The following JAKMIP3 variants were observed in gnomAD, a reference collection of about 807,000 sequenced individuals.
JAKMIP3 encodes the protein janus kinase and microtubule-interacting protein 3.
In JAKMIP3, 58 loss-of-function variants were observed where a neutral mutation model predicts 118.5. The observed-to-expected ratio is 0.49, with a 90% CI of 0.40 to 0.61. The LOEUF (loss-of-function observed/expected upper bound fraction) is 0.61. JAKMIP3 is among the 20% of genes least tolerant of loss of function. The probability of loss-of-function intolerance (pLI) is 0.00; values close to 1 mark genes in which losing one functional copy is unlikely to be tolerated. For missense variants in JAKMIP3, 950 were observed against 1,109.0 expected (o/e 0.86, Z 2.04); for synonymous variants, 486 against 451.2 (o/e 1.08, Z -0.98).
intron 2 of JAKMIP3, among the ~76,000 whole-genome samples, chr10:132,106,947 G>A (rs1014742299): frequency 1.3e-5 from 2 of 151,924 alleles, no homozygotes; most frequent in East Asian, 1.9e-4. Context: ...GCAGTGGTGT[G>A]ATCTCAGCTC....
Position 132,168,171 on chromosome 10 carries a change from C to A in JAKMIP3, c.*241C>A, listed in dbSNP as rs534055507. 6 of 1,286,460 alleles carry A rather than the reference C, an allele frequency of 4.7e-6. No homozygotes were observed. The highest frequency in any genetic ancestry group is 6.1e-6 in the Non-Finnish European group (6 of 987,184). The allele number at this position is 1,286,460 out of a possible 1,614,324, so 79.7% of individuals were successfully genotyped here. A position where few individuals can be genotyped will look rare whatever the true frequency, so the allele number is the denominator to read the frequency against. ...CTCTGCCGACTTCTCGGGGGCTTCT[C>A]CGGGACGGGCCTGGCCTTGGCTGCT... On this transcript the variant is annotated 3_prime_UTR_variant, in exon 23 of 24. Transcript: ENST00000684848.
intron 1 of JAKMIP3, among the ~76,000 whole-genome samples, chr10:132,068,079 T>C (rs113942963): frequency 2.9e-4 from 7 of 23,732 alleles, no homozygotes; most frequent in Admixed American, 7.9e-4. Context: ...GGACTGTGGG[T>C]TTCTGTGTGG....
chr10:132,037,323 T>C (rs542676134), intron 1 of JAKMIP3, among the ~76,000 whole-genome samples: 66 of 152,204 alleles, frequency 4.3e-4, no homozygotes, highest in Non-Finnish European at 8.8e-4. Context: ...CCTGCCCCCG[T>C]CTGAGGTCTG....
rs115623919 is a variant in JAKMIP3 at position 132,109,415 on chromosome 10, C to A, written c.135+4472C>A. 2.3e-3 allele frequency among the ~76,000 whole-genome samples: 349 copies of A among 152,302 alleles called. 3 individuals carry two copies. The highest frequency in any genetic ancestry group is 8.2e-3 in the African/African-American group (339 of 41,554). ...GCACCCCCCACAATTAACGAATGAC[C>A]TCATTTGGGTTCAAATATAAGCAAA... is the stretch of plus-strand genomic sequence containing the variant. On this transcript the variant is annotated intron_variant, in intron 2 of 23. Coordinates refer to ENST00000684848, the MANE Select transcript of JAKMIP3 (RefSeq NM_001323087.2).
chr10:132,036,653 C>T (rs1316763584), upstream of JAKMIP3, among the ~76,000 whole-genome samples: 1 of 150,396 alleles, frequency 6.6e-6, no homozygotes, highest in Non-Finnish European at 1.5e-5. Context: ...CCCGCGGTGA[C>T]GGTGACGCGC....
chr10:132,092,266 A>T (rs2043196999), intron 1 of JAKMIP3, among the ~76,000 whole-genome samples: 4 of 151,810 alleles, frequency 2.6e-5, no homozygotes, highest in Non-Finnish European at 1.5e-5. Flanking sequence ...CTTCTTGAGG[A>T]GTATCTTTGT....
At chr10:132,177,719 T>G (rs764870515) in intron 23 of JAKMIP3, among the ~76,000 whole-genome samples, 10 of 150,842 alleles carry the variant, frequency 6.6e-5, no homozygotes, top group Non-Finnish European at 2.9e-5. Context: ...TCTTGTGCCC[T>G]GGGTAGTGTG....
At chr10:132,062,867 GTCTGGGA>G (rs2038445349), upstream of JAKMIP3, among the ~76,000 whole-genome samples, 1 of 152,214 alleles carries the variant, frequency 6.6e-6, no homozygotes, top group African/African-American at 2.4e-5. Context: ...GCGCAGGCCT[GTCTGGGA>G]AGGGAGGAGA....
At chr10:132,083,008 A>T (rs1023888685) in intron 1 of JAKMIP3, among the ~76,000 whole-genome samples, 1 of 152,218 alleles carries the variant, frequency 6.6e-6, no homozygotes, top group Non-Finnish European at 1.5e-5. Flanking sequence ...TGCATGTGCA[A>T]GTATCTTTTT....
chr10:132,059,934 C>A (rs76090221), upstream of JAKMIP3, among the ~76,000 whole-genome samples: 5,437 of 152,246 alleles, frequency 0.036, 281 homozygotes, highest in East Asian at 0.24. Context: ...AGAGTGGAGC[C>A]GTGAGCCCTG....
intron 1 of JAKMIP3, among the ~76,000 whole-genome samples, chr10:132,090,144 C>A (rs954729191): frequency 7.2e-5 from 11 of 152,160 alleles, no homozygotes; most frequent in African/African-American, 2.7e-4. Context: ...CATCAATGTT[C>A]GTCAGGGATA....
chr10:132,104,778 C>A lies in JAKMIP3; in HGVS notation c.-31C>A. The A allele has an allele frequency of 6.5e-7, 1 of 1,545,194 alleles. No homozygotes were observed. Among genetic ancestry groups the A allele is most frequent in the Non-Finnish European group, 8.7e-7 (1 of 1,143,328 alleles). ...CCAGCCCAGCCGGAGCACCCTACCC[C>A]TGGGCATCCCCCTGGCCATCCAGCC... On this transcript the variant is annotated 5_prime_UTR_variant, in exon 2 of 24. It adds an upstream start codon to the 5' untranslated region. Transcript: ENST00000684848.
chr10:132,119,535 C>A (rs1444319942), intron 3 of JAKMIP3, among the ~76,000 whole-genome samples: 1 of 152,212 alleles, frequency 6.6e-6, no homozygotes, highest in Non-Finnish European at 1.5e-5. Flanking sequence ...CCTGTTCTTA[C>A]AAGAGTGGAC....
intron 1 of JAKMIP3, among the ~76,000 whole-genome samples, chr10:132,051,504 C>A (rs749141732): frequency 4.6e-5 from 7 of 152,172 alleles, no homozygotes; most frequent in Non-Finnish European, 8.8e-5. Flanking sequence ...TTCTTTACAT[C>A]TGTTGGACAT....
chr10:132,133,935 C>T (rs576529396), intron 4 of JAKMIP3, among the ~76,000 whole-genome samples: 2 of 152,310 alleles, frequency 1.3e-5, no homozygotes, highest in South Asian at 2.1e-4. Flanking sequence ...GCTGGTGCAC[C>T]GGCTCCCTGC....
chr10:132,132,628 T>A (rs998993112), intron 3 of JAKMIP3, among the ~76,000 whole-genome samples: 21 of 152,222 alleles, frequency 1.4e-4, no homozygotes, highest in African/African-American at 5.1e-4. Context: ...GGCTGCCGTC[T>A]CACCCCAAAA....
chr10:132,109,784 G>A (rs1429598459), intron 2 of JAKMIP3, among the ~76,000 whole-genome samples: 1 of 152,222 alleles, frequency 6.6e-6, no homozygotes, highest in Non-Finnish European at 1.5e-5. Flanking sequence ...AGCCTTCGGG[G>A]CCCCTGGGCT....
Position 132,104,896 on chromosome 10 carries a change from G to T in JAKMIP3, c.88G>T (p.Ala30Ser). Reference sequence around the variant, plus strand: ...GCAGGCGGCCAACGAGGATCTTCGAGCCAAGCTCACAGACATCCAGATCGA... The same window carrying T: ...GCAGGCGGCCAACGAGGATCTTCGATCCAAGCTCACAGACATCCAGATCGA... ...ALQAANEDLRAKLTDIQIELQ... is the reference protein window; with the variant it reads ...ALQAANEDLRSKLTDIQIELQ... Residue 30 changes from alanine to serine, a missense_variant, in exon 2 of 24, where the codon GCC becomes TCC. By Grantham distance (99) the Ala-to-Ser change is moderately conservative (BLOSUM62 1). Transcript: ENST00000684848. 1 of 1,584,678 alleles carries T rather than the reference G, an allele frequency of 6.3e-7. No homozygotes were observed. The highest frequency in any genetic ancestry group is 8.6e-7 in the Non-Finnish European group (1 of 1,165,828).
At chr10:132,104,228 A>G (rs1463138938) in intron 1 of JAKMIP3, among the ~76,000 whole-genome samples, 1 of 151,478 alleles carries the variant, frequency 6.6e-6, no homozygotes, top group Non-Finnish European at 1.5e-5. Context: ...ACTTCTGGGC[A>G]TTTCCTGGGT....
Sources: allele counts gnomAD v4.1 joint callset (sites outside exome capture counted in the v4.1 genomes callset), GRCh38; gene constraint gnomAD v4.1.1; transcripts MANE v1.5; gene names NCBI Gene and HGNC (gene_info 2026-07-23, HGNC 2026-07-21).